PCDHA11: variants seen among roughly 807,000 people sequenced by gnomAD.
The protein encoded by PCDHA11 is protocadherin alpha-11.
Under a neutral mutation model 70.3 loss-of-function variants are expected in PCDHA11, and 61 were observed. That is an observed-to-expected ratio of 0.87 (90% confidence interval 0.71 to 1.07). The LOEUF is 1.07. Ranked by LOEUF, PCDHA11 falls within the 50% of genes least tolerant of loss-of-function variation. The probability of loss-of-function intolerance (pLI) is 0.00; values close to 1 mark genes in which losing one functional copy is unlikely to be tolerated. For missense variants in PCDHA11, 1,324 were observed against 1,237.5 expected, an observed-to-expected ratio of 1.07 and a Z score of -1.05; for synonymous variants, 633 against 555.1, an observed-to-expected ratio of 1.14 and a Z score of -1.97.
intron 3 of PCDHA11, among the ~76,000 whole-genome samples, chr5:141,007,992 C>T (rs1215200964): frequency 1.3e-5 from 2 of 152,132 alleles, no homozygotes; most frequent in Admixed American, 6.5e-5. Context: ...ATGAAATGTA[C>T]ATGTTAATAA....
At chr5:140,953,408 TG>T (rs782455726) in intron 1 of PCDHA11, among the ~76,000 whole-genome samples, 5 of 152,168 alleles carry the variant, frequency 3.3e-5, no homozygotes, top group Non-Finnish European at 5.9e-5. Context: ...CTGTTGCTCC[TG>T]GCTCCTCCCC....
At chr5:140,953,959 C>T (rs2094958753) in intron 1 of PCDHA11, among the ~76,000 whole-genome samples, 1 of 152,044 alleles carries the variant, frequency 6.6e-6, no homozygotes, top group South Asian at 2.1e-4. Flanking sequence ...CAACAGGCCC[C>T]AGTGTGTGTT....
At chr5:140,925,349 A>G (rs4912732) in intron 1 of PCDHA11, among the ~76,000 whole-genome samples, 5,885 of 152,152 alleles carry the variant, frequency 0.039, 171 homozygotes, top group Non-Finnish European at 0.058. Flanking sequence ...TTGAGTGAGG[A>G]ATTTAGTGCT....
chr5:140,938,309 A>T (rs1379097876), intron 1 of PCDHA11, among the ~76,000 whole-genome samples: 1 of 152,216 alleles, frequency 6.6e-6, no homozygotes, highest in African/African-American at 2.4e-5. Flanking sequence ...AATTCAGTAT[A>T]AAATTGAATA....
At chr5:140,882,556 T>C (rs367760301) in intron 1 of PCDHA11, 103 of 1,614,070 alleles carry the variant, frequency 6.4e-5, no homozygotes, top group African/African-American at 9.3e-5. Flanking sequence ...AGGAGCTGTG[T>C]GGGCGGAGCG....
chr5:141,009,601 A>T (rs1223112014), intron 3 of PCDHA11, 26 bp from the exon 4 acceptor site: 6 of 1,607,482 alleles, frequency 3.7e-6, no homozygotes, highest in Non-Finnish European at 5.1e-6. Flanking sequence ...GACCCTGTTA[A>T]TGATTTGTAA....
chr5:140,967,898 G>A (rs751530394), intron 1 of PCDHA11: 9 of 1,614,046 alleles, frequency 5.6e-6, no homozygotes, highest in Non-Finnish European at 7.6e-6. Context: ...GCCTGAGAAT[G>A]CTACACCCAA....
chr5:140,981,468 G>A (rs1554242887), intron 2 of PCDHA11, among the ~76,000 whole-genome samples: 1 of 152,172 alleles, frequency 6.6e-6, no homozygotes, highest in Non-Finnish European at 1.5e-5. Context: ...CAGCTACTTG[G>A]GAGGCTGAGG....
At chr5:140,998,939 A>C (rs1299425979) in intron 3 of PCDHA11, among the ~76,000 whole-genome samples, 2 of 152,248 alleles carry the variant, frequency 1.3e-5, no homozygotes, top group Admixed American at 1.3e-4. Flanking sequence ...CAGATGAAGA[A>C]ACTGTAAGTC....
intron 3 of PCDHA11, among the ~76,000 whole-genome samples, chr5:141,005,934 G>A (rs556608068): frequency 3.4e-4 from 52 of 151,912 alleles, no homozygotes; most frequent in Non-Finnish European, 7.2e-4. Context: ...TTGACAGAGT[G>A]AGAACCTATC....
At chr5:140,890,136 T>C (rs1297709763) in intron 1 of PCDHA11, among the ~76,000 whole-genome samples, 4 of 152,148 alleles carry the variant, frequency 2.6e-5, no homozygotes, top group Non-Finnish European at 4.4e-5. Flanking sequence ...TAGCTTGAAA[T>C]TGGCCATGGT....
intron 1 of PCDHA11, among the ~76,000 whole-genome samples, chr5:140,900,125 G>A (rs2067765908): frequency 6.6e-6 from 1 of 152,056 alleles, no homozygotes; most frequent in South Asian, 2.1e-4. Context: ...TTGATTTTTA[G>A]GTACCACAAA....
At chr5:140,906,057 C>A (rs558964545) in intron 1 of PCDHA11, among the ~76,000 whole-genome samples, 7 of 152,326 alleles carry the variant, frequency 4.6e-5, no homozygotes, top group Admixed American at 2.0e-4. Context: ...GCTGCACTGG[C>A]AGCTGATTAG....
intron 1 of PCDHA11, among the ~76,000 whole-genome samples, chr5:140,890,160 C>T (rs1554184178): frequency 1.3e-5 from 2 of 152,246 alleles, no homozygotes; most frequent in East Asian, 3.9e-4. Context: ...AGTATTTCTG[C>T]CACAGAAATA....
In PCDHA11 at chr5:140,913,634, C is replaced by T. The variant is rs145807488; in HGVS notation, c.2391+42140C>T. On this transcript the variant is annotated intron_variant, in intron 1 of 3. Transcript: ENST00000398640. ...TACTAATTTTGGATTCAGTTTGCTG[C>T]TGCTTTTCTAGTTCTTTAAGATGTA... Among the ~76,000 whole-genome samples the T allele has an allele frequency of 8.0e-3, 1,219 of 152,090 alleles. 7 individuals carry two copies. Among genetic ancestry groups the T allele is most frequent in the African/African-American group, 0.019 (785 of 41,506 alleles).
chr5:141,006,368 C>T (rs1395158727), intron 3 of PCDHA11, among the ~76,000 whole-genome samples: 2 of 152,072 alleles, frequency 1.3e-5, no homozygotes, highest in Non-Finnish European at 2.9e-5. Context: ...CCCACCACCA[C>T]GCCCGGCTAA....
At chr5:140,977,126 T>C (rs782356713) in intron 1 of PCDHA11, among the ~76,000 whole-genome samples, 27 of 152,240 alleles carry the variant, frequency 1.8e-4, no homozygotes, top group Admixed American at 4.6e-4. Context: ...GAACTGAGTT[T>C]CCTGGTCAGT....
At chr5:140,973,358 A>G (rs1450961086) in intron 1 of PCDHA11, among the ~76,000 whole-genome samples, 1 of 152,234 alleles carries the variant, frequency 6.6e-6, no homozygotes, top group Non-Finnish European at 1.5e-5. Flanking sequence ...GTGAATTTAT[A>G]AAAATTGCAC....
At chr5:140,925,537 A>G (rs1325632505) in intron 1 of PCDHA11, among the ~76,000 whole-genome samples, 4 of 152,070 alleles carry the variant, frequency 2.6e-5, no homozygotes, top group Non-Finnish European at 2.9e-5. Flanking sequence ...GAGGAGAAAT[A>G]CCTAATGTAA....
Sources: allele counts gnomAD v4.1 joint callset (sites outside exome capture counted in the v4.1 genomes callset), GRCh38; gene constraint gnomAD v4.1.1; transcripts MANE v1.5; gene names NCBI Gene and HGNC (gene_info 2026-07-23, HGNC 2026-07-21).